The following KRT27 variants were observed in gnomAD, a reference collection of about 807,000 sequenced individuals.
The protein encoded by KRT27 is keratin 27, also known as keratin, type I cytoskeletal 27.
Under a neutral mutation model 45.3 loss-of-function variants are expected in KRT27, and 30 were observed. The observed-to-expected ratio is 0.66, with a 90% CI of 0.50 to 0.90. The LOEUF (loss-of-function observed/expected upper bound fraction) is 0.90, where lower values mean the gene tolerates loss of function less well. KRT27 is among the 40% of genes least tolerant of loss of function. The pLI is 0.00. For synonymous variants in KRT27, 204 were observed against 223.9 expected (o/e 0.91, Z 0.79); for missense variants, 610 against 564.3 (o/e 1.08, Z -0.82).
At position 40,782,538 on chromosome 17, in the gene KRT27, T is replaced by C; in HGVS notation, c.-45A>G. 2 of 1,443,828 alleles carry C rather than the reference T, an allele frequency of 1.4e-6. No individual in the cohort carries two copies. Among genetic ancestry groups the C allele is most frequent in the Non-Finnish European group, 1.8e-6 (2 of 1,082,282 alleles). 89.4% of individuals were successfully genotyped at this position (1,443,828 alleles called of 1,614,324 possible). A position where few individuals can be genotyped will look rare whatever the true frequency, so the allele number is the denominator to read the frequency against. ...CTTTGTTTCTGCGGTGATGCTCTGA[T>C]GGTGAACGGCCTACTCAAACAGCTT... On this transcript the variant is annotated 5_prime_UTR_variant, in exon 1 of 8. Coordinates refer to ENST00000301656, the MANE Select transcript of KRT27 (RefSeq NM_181537.4).
In KRT27 at chr17:40,777,089, A is replaced by T. The variant is rs780066525; in HGVS notation, c.1290T>A (p.Pro430=). 2 of 1,614,098 alleles carry T rather than the reference A, an allele frequency of 1.2e-6. No homozygotes were observed. The highest frequency in any genetic ancestry group is 3.3e-5 in the Admixed American group (2 of 60,018). Residue 430 remains proline (P), a synonymous_variant, in exon 8 of 8, where the codon CCT becomes CCA. Coordinates refer to ENST00000301656, the MANE Select transcript of KRT27 (RefSeq NM_181537.4). ...CTCTGGATGAGAGAACTTTGCCACG[A>T]GGATCTATCTCTTCAACAACTGTTT... ...IVKTVVEEID[P]RGKVLSSRVH... is the part of the protein sequence containing the mutation.
Position 40,777,737 on chromosome 17 carries a change from A to G in KRT27, c.973-5T>C. ...GGAGCACTCCAGGGAGTGTTTCTGT[A>G]GTTTGGTAAGACATGGTTTAATAGA... On this transcript the variant is annotated splice_region_variant and splice_polypyrimidine_tract_variant and intron_variant, in intron 5 of 7. Coordinates refer to ENST00000301656, the MANE Select transcript of KRT27 (RefSeq NM_181537.4). The G allele has an allele frequency of 6.2e-7, 1 of 1,613,856 alleles. No individual in the cohort carries two copies. The highest frequency in any genetic ancestry group is 8.5e-7 in the Non-Finnish European group (1 of 1,179,780).
rs773729348 is a variant in KRT27 at position 40,779,732 on chromosome 17, G to T, written c.814C>A (p.Arg272Ser). Residue 272 changes from arginine to serine, a missense_variant, in exon 4 of 8, where the codon CGC (arginine) becomes AGC (serine). By Grantham distance (110) the Arg-to-Ser change is moderately radical (BLOSUM62 -1). Transcript: ENST00000301656. ...TTGAACCAGGCCTCCGCGTCCCTGCGGTTCTGCTCTGCGAGGGCTTCGTAC... is the reference window on the plus strand; with the variant it reads ...TTGAACCAGGCCTCCGCGTCCCTGCTGTTCTGCTCTGCGAGGGCTTCGTAC... ...AEYEALAEQN[R>S]RDAEAWFNEK... 6.2e-7 allele frequency: 1 copy of T among 1,614,010 alleles called. No homozygotes were observed.
At chr17:40,780,267 C>T (rs774117485) in intron 3 of KRT27, 33 bp downstream of exon 3, 2 of 1,560,698 alleles carry the variant, frequency 1.3e-6, no homozygotes, top group African/African-American at 1.4e-5. Flanking sequence ...GGTAGGGAGG[C>T]GATTGTGAGA....
In KRT27 at chr17:40,778,010, C is replaced by T. The variant is rs2038279545; in HGVS notation, c.973-278G>A. On this transcript the variant is annotated intron_variant, in intron 5 of 7. Coordinates refer to ENST00000301656, the MANE Select transcript of KRT27 (RefSeq NM_181537.4). ...TTCATAGGGCACAGACTGAAAGATC[C>T]CTCCCCTGCACCAATATAGCCTGTG... The T allele has an allele frequency of 9.3e-6, 4 of 430,236 alleles. No individual in the cohort carries two copies. The Admixed American group carries it at 1.5e-4, about 16-fold the overall frequency. The allele number at this position is 430,236 out of a possible 1,614,324, so 26.7% of individuals were successfully genotyped here.
Position 40,777,693 on chromosome 17 carries a change from T to C in KRT27, c.1012A>G (p.Asn338Asp). The C allele has an allele frequency of 6.2e-7, 1 of 1,614,188 alleles. No individual in the cohort carries two copies. Among genetic ancestry groups the C allele is most frequent in the Non-Finnish European group, 8.5e-7 (1 of 1,180,032 alleles). Residue 338 changes from asparagine (N) to aspartate (D), a missense_variant, in exon 6 of 8, where the codon AAC becomes GAC. Physicochemically the swap from Asn to Asp is conservative, Grantham distance 23. Coordinates refer to ENST00000301656, the MANE Select transcript of KRT27 (RefSeq NM_181537.4). ...LECSLTETESNYCAQLAQIQA... is the reference protein window; with the variant it reads ...LECSLTETESDYCAQLAQIQA... Reference sequence around the variant, plus strand: ...ATCTGTGCCAGCTGTGCACAGTAGTTACTCTCGGTCTCTGTCAAGGAGCAC... The same window carrying C: ...ATCTGTGCCAGCTGTGCACAGTAGTCACTCTCGGTCTCTGTCAAGGAGCAC...
In KRT27 at chr17:40,782,545, C is replaced by CAAGCAGATTT; in HGVS notation, c.-53_-52insAAATCTGCTT. ...TCTGCGGTGATGCTCTGATGGTGAA[C>CAAGCAGATTT]GGCCTACTCAAACAGCTTGGTTTGC... On this transcript the variant is annotated 5_prime_UTR_variant, in exon 1 of 8. Transcript: ENST00000301656. 2 of 1,416,636 alleles carry CAAGCAGATTT rather than the reference C, an allele frequency of 1.4e-6. No homozygotes were observed. Among genetic ancestry groups the CAAGCAGATTT allele is most frequent in the Non-Finnish European group, 1.9e-6 (2 of 1,061,260 alleles). 87.8% of individuals were successfully genotyped at this position (1,416,636 alleles called of 1,614,324 possible).
chr17:40,780,490 C>A, intron 2 of KRT27, 34 bp from the exon 3 acceptor site: 2 of 1,589,696 alleles, frequency 1.3e-6, no homozygotes, highest in South Asian at 2.2e-5. Context: ...CATCATTAGT[C>A]ATTAGACATG....
At chr17:40,781,369 G>C (rs138922850) in intron 1 of KRT27, 99 bp from the exon 2 acceptor site, 1 of 703,050 alleles carries the variant, frequency 1.4e-6, no homozygotes, top group East Asian at 2.7e-5. Context: ...TAATATTTCT[G>C]GCATCTGTCT....
chr17:40,779,223 G>T (rs1361538903), intron 5 of KRT27, among the ~76,000 whole-genome samples: 1 of 151,916 alleles, frequency 6.6e-6, no homozygotes, highest in Non-Finnish European at 1.5e-5. Context: ...AGTGGTTTTT[G>T]ATATTTTGAC....
At chr17:40,780,798 G>T (rs1363903957) in intron 2 of KRT27, among the ~76,000 whole-genome samples, 1 of 152,128 alleles carries the variant, frequency 6.6e-6, no homozygotes, top group African/African-American at 2.4e-5. Context: ...GCAGTGAGCC[G>T]AGATTGCGCC....
chr17:40,782,434 A>G lies in KRT27; in HGVS notation c.60T>C (p.Ser20=), dbSNP rs368253802. The change falls in exon 1 of 8, where the codon TCT becomes TCC. Residue 20 remains serine, a synonymous_variant. Coordinates refer to ENST00000301656, the MANE Select transcript of KRT27 (RefSeq NM_181537.4). ...RRLGSCGGTG[S]VRLSSGGAGF... is the part of the protein sequence containing the mutation. ...CTGCTCCCCCACTAGAGAGCCTCAC[A>G]GAGCCAGTGCCCCCGCAAGAGCCAA... is the stretch of plus-strand genomic sequence containing the variant. 70 of 1,610,288 alleles carry G rather than the reference A, an allele frequency of 4.3e-5. No homozygotes were observed. The African/African-American group carries it at 8.8e-4, about 20-fold the overall frequency.
At chr17:40,778,534 G>A (rs1297861357) in intron 5 of KRT27, among the ~76,000 whole-genome samples, 2 of 152,192 alleles carry the variant, frequency 1.3e-5, no homozygotes, top group Non-Finnish European at 1.5e-5. Context: ...TAACTTCTTC[G>A]AATCTCAGAG....
rs950805018 is a variant in KRT27, at chr17:40,781,590, C to T, written c.445-320G>A. ...GATTACAGGCATGTGCCACCACGCT[C>T]GGCTAACTTTTGTAGTTTTAGTAGA... On this transcript the variant is annotated intron_variant, in intron 1 of 7. Coordinates refer to ENST00000301656, the MANE Select transcript of KRT27 (RefSeq NM_181537.4). Among the ~76,000 whole-genome samples, 7 of 152,188 alleles carry T rather than the reference C, an allele frequency of 4.6e-5. No homozygotes were observed. In the East Asian group the frequency reaches 9.6e-4, roughly 21 times the overall value.
intron 3 of KRT27, 117 bp from the exon 4 acceptor site, chr17:40,779,978 T>A: frequency 1.6e-6 from 2 of 1,217,168 alleles, no homozygotes; most frequent in Non-Finnish European, 2.2e-6. Context: ...TATGACTCAC[T>A]GCAGCCTCGA....
In KRT27 at chr17:40,776,867, T is replaced by C; in HGVS notation, c.*132A>G. On this transcript the variant is annotated 3_prime_UTR_variant, in exon 8 of 8. Transcript: ENST00000301656. ...CACCATAGAGAAAAAGCCAAAGAAA[T>C]GGTACTATTCTAAAAATAACTTGTC... The C allele has an allele frequency of 1.3e-6, 1 of 754,758 alleles. No homozygotes were observed. The highest frequency in any genetic ancestry group is 2.1e-6 in the Non-Finnish European group (1 of 485,264). 46.8% of individuals were successfully genotyped at this position (754,758 alleles called of 1,614,324 possible). A position where few individuals can be genotyped will look rare whatever the true frequency, so the allele number is the denominator to read the frequency against.
intron 5 of KRT27, chr17:40,778,143 C>T (rs1597801871): frequency 1.7e-5 from 3 of 175,162 alleles, no homozygotes; most frequent in East Asian, 1.5e-4. Flanking sequence ...AGGATTGTAG[C>T]TCTTCTATTA....
In KRT27 at chr17:40,781,154, C is replaced by CT. The variant is rs146092952; in HGVS notation, c.527+33dup. On this transcript the variant is annotated intron_variant, in intron 2 of 7. Coordinates refer to ENST00000301656, the MANE Select transcript of KRT27 (RefSeq NM_181537.4). ...TAAAGGAGAAAAAATGCTTAGACAACTTTTTTTTCCCATTTATCTTCAGCT... is the reference window on the plus strand; with the variant it reads ...TAAAGGAGAAAAAATGCTTAGACAACTTTTTTTTTCCCATTTATCTTCAGCT... 6,629 of 1,417,222 alleles carry CT rather than the reference C, an allele frequency of 4.7e-3. 228 individuals carry two copies. In the African/African-American group the frequency reaches 0.077, roughly 17 times the overall value. 87.8% of individuals were successfully genotyped at this position (1,417,222 alleles called of 1,614,324 possible).
At position 40,782,549 on chromosome 17, in the gene KRT27, C is replaced by T. The variant is rs1470712213; in HGVS notation, c.-56G>A. On this transcript the variant is annotated 5_prime_UTR_variant, in exon 1 of 8. Coordinates refer to ENST00000301656, the MANE Select transcript of KRT27 (RefSeq NM_181537.4). ...CGGTGATGCTCTGATGGTGAACGGC[C>T]TACTCAAACAGCTTGGTTTGCCTTT... 29 of 1,393,132 alleles carry T rather than the reference C, an allele frequency of 2.1e-5. No individual in the cohort carries two copies. Among genetic ancestry groups the T allele is most frequent in the Non-Finnish European group, 2.8e-5 (29 of 1,041,376 alleles). The allele number at this position is 1,393,132 out of a possible 1,614,324, so 86.3% of individuals were successfully genotyped here. A position where few individuals can be genotyped will look rare whatever the true frequency, so the allele number is the denominator to read the frequency against.
Sources: allele counts gnomAD v4.1 joint callset (sites outside exome capture counted in the v4.1 genomes callset), GRCh38; gene constraint gnomAD v4.1.1; transcripts MANE v1.5; gene names NCBI Gene and HGNC (gene_info 2026-07-23, HGNC 2026-07-21).